The following LYPD6B variants were observed in gnomAD, a reference collection of about 807,000 sequenced individuals.
LYPD6B encodes ly6/PLAUR domain-containing protein 6B.
A neutral mutation model predicts 22.8 loss-of-function variants in LYPD6B; 17 were observed. That is an observed-to-expected ratio of 0.75 (90% confidence interval 0.51 to 1.12). The LOEUF is 1.12. Among genes scored for constraint, LYPD6B ranks in the 50% most tolerant of loss-of-function variants. The pLI is 0.00. For synonymous variants in LYPD6B, 106 were observed against 91.6 expected (o/e 1.16, Z -0.90); for missense variants, 221 against 258.3 (o/e 0.86, Z 0.99).
At chr2:149,214,131 A>AG (rs1694048698) in intron 6 of LYPD6B, among the ~76,000 whole-genome samples, 1 of 152,222 alleles carries the variant, frequency 6.6e-6, no homozygotes, top group Non-Finnish European at 1.5e-5. Flanking sequence ...GACAATAGAG[A>AG]GTCATTATTA....
At chr2:149,052,623 G>A (rs114596997) in intron 1 of LYPD6B, among the ~76,000 whole-genome samples, 35 of 152,242 alleles carry the variant, frequency 2.3e-4, no homozygotes, top group African/African-American at 7.7e-4. Context: ...ACCACAGCTC[G>A]GTGGGTGCAG....
intron 1 of LYPD6B, among the ~76,000 whole-genome samples, chr2:149,080,841 CAAAAA>C (rs35803068): frequency 8.7e-5 from 4 of 46,228 alleles, no homozygotes; most frequent in African/African-American, 1.9e-4. Flanking sequence ...GACTCTATCT[CAAAAA>C]AAAAAAAAAA....
chr2:149,048,429 C>T (rs564800943), intron 1 of LYPD6B, among the ~76,000 whole-genome samples: 1 of 152,314 alleles, frequency 6.6e-6, no homozygotes, highest in East Asian at 1.9e-4. Flanking sequence ...AGGCCTTTGC[C>T]ATTCCCATCT....
intron 1 of LYPD6B, among the ~76,000 whole-genome samples, chr2:149,059,601 A>G (rs1227878786): frequency 6.6e-6 from 1 of 152,222 alleles, no homozygotes; most frequent in Non-Finnish European, 1.5e-5. Flanking sequence ...CCATTTCTTC[A>G]TTACGGCGTT....
intron 1 of LYPD6B, among the ~76,000 whole-genome samples, chr2:149,041,347 G>GA (rs1301132714): frequency 6.6e-6 from 1 of 152,156 alleles, no homozygotes; most frequent in Non-Finnish European, 1.5e-5. Context: ...ATCCAAAGCA[G>GA]AAAAAAGAAG....
At chr2:149,059,372 C>T (rs114175552) in intron 1 of LYPD6B, among the ~76,000 whole-genome samples, 277 of 152,322 alleles carry the variant, frequency 1.8e-3, no homozygotes, top group Non-Finnish European at 3.0e-3. Flanking sequence ...GCCTTCAATT[C>T]CTTCCATGGT....
At chr2:149,128,413 G>A (rs541702408) in intron 1 of LYPD6B, among the ~76,000 whole-genome samples, 110 of 152,200 alleles carry the variant, frequency 7.2e-4, no homozygotes, top group Non-Finnish European at 1.3e-3. Flanking sequence ...GATACTTTCT[G>A]AAAACTGCTT....
intron 1 of LYPD6B, among the ~76,000 whole-genome samples, chr2:149,103,853 C>T (rs373620894): frequency 1.4e-4 from 20 of 144,172 alleles, no homozygotes; most frequent in Non-Finnish European, 2.0e-4. Flanking sequence ...CTCAGATCAC[C>T]GCAACTTCTG....
chr2:149,128,599 A>G (rs1687840657), intron 1 of LYPD6B, among the ~76,000 whole-genome samples: 2 of 152,322 alleles, frequency 1.3e-5, no homozygotes, highest in Admixed American at 6.5e-5. Flanking sequence ...GAGACTATTG[A>G]AAGAAATGTG....
At chr2:149,104,208 A>G (rs1387350656) in intron 1 of LYPD6B, among the ~76,000 whole-genome samples, 1 of 152,208 alleles carries the variant, frequency 6.6e-6, no homozygotes, top group Non-Finnish European at 1.5e-5. Context: ...GAAAGCTTGT[A>G]TGAACATTTG....
chr2:149,144,270 AG>A (rs1231494403), intron 2 of LYPD6B, among the ~76,000 whole-genome samples: 1 of 150,432 alleles, frequency 6.6e-6, no homozygotes, highest in Non-Finnish European at 1.5e-5. Flanking sequence ...ATTTGTATGA[AG>A]AAAAAAGAAA....
intron 2 of LYPD6B, among the ~76,000 whole-genome samples, chr2:149,151,919 A>G (rs1322866141): frequency 6.6e-6 from 1 of 152,012 alleles, no homozygotes; most frequent in African/African-American, 2.4e-5. Context: ...TGCTGGCCTC[A>G]CTTTCTAGCC....
At chr2:149,156,936 G>A (rs984826468) in intron 2 of LYPD6B, among the ~76,000 whole-genome samples, 29 of 152,310 alleles carry the variant, frequency 1.9e-4, no homozygotes, top group African/African-American at 6.7e-4. Context: ...TAGGGGAAGT[G>A]GGGGTGTGGT....
chr2:149,186,095 C>G (rs1419965819), intron 3 of LYPD6B, among the ~76,000 whole-genome samples: 1 of 152,214 alleles, frequency 6.6e-6, no homozygotes, highest in Non-Finnish European at 1.5e-5. Context: ...AGTCACATAT[C>G]TCTCACTTTA....
chr2:149,194,086 A>T (rs1480360983), intron 3 of LYPD6B, among the ~76,000 whole-genome samples: 1 of 152,188 alleles, frequency 6.6e-6, no homozygotes, highest in African/African-American at 2.4e-5. Flanking sequence ...TGACATTTGT[A>T]TGAAATTATA....
intron 3 of LYPD6B, among the ~76,000 whole-genome samples, chr2:149,179,350 A>G (rs1691546399): frequency 6.6e-6 from 1 of 152,244 alleles, no homozygotes; most frequent in South Asian, 2.1e-4. Context: ...CTTAGTAGCT[A>G]TCTGGCAGTG....
intron 1 of LYPD6B, among the ~76,000 whole-genome samples, chr2:149,048,315 A>G (rs1190735613): frequency 1.3e-5 from 2 of 152,166 alleles, no homozygotes; most frequent in East Asian, 3.9e-4. Context: ...CAGAAGATGA[A>G]CTGGGTTTGA....
chr2:149,154,709 G>A (rs1416972958), intron 2 of LYPD6B, among the ~76,000 whole-genome samples: 3 of 151,960 alleles, frequency 2.0e-5, no homozygotes, highest in Non-Finnish European at 4.4e-5. Context: ...GGAGAGTGGC[G>A]GAGTGGTGTT....
At chr2:149,153,552 G>A (rs558803010) in intron 2 of LYPD6B, among the ~76,000 whole-genome samples, 62 of 152,196 alleles carry the variant, frequency 4.1e-4, no homozygotes, top group African/African-American at 1.4e-3. Flanking sequence ...CGAGGCGGGC[G>A]AATCACGAGA....
Sources: gnomAD v4.1 joint callset for allele counts (sites outside exome capture counted in the v4.1 genomes callset) on GRCh38, gnomAD v4.1.1 for gene constraint, MANE v1.5 for transcripts, NCBI Gene and HGNC (gene_info 2026-07-23, HGNC 2026-07-21) for gene names.